The following ZNF558 variants were observed in gnomAD, a reference collection of about 807,000 sequenced individuals.
The protein encoded by ZNF558 is zinc finger protein 558.
In ZNF558, 23 loss-of-function variants were observed where a neutral mutation model predicts 37.6. The observed-to-expected ratio is 0.61, with a 90% CI of 0.44 to 0.87. The LOEUF is 0.87. Ranked by LOEUF, ZNF558 falls within the 40% of genes least tolerant of loss-of-function variation. ZNF558 has a pLI of 0.00. For synonymous variants in ZNF558, 189 were observed against 174.4 expected, an observed-to-expected ratio of 1.08 and a Z score of -0.66; for missense variants, 429 against 483.7, an observed-to-expected ratio of 0.89 and a Z score of 1.06.
At chr19:8,834,135 C>G (rs944970035), upstream of ZNF558, among the ~76,000 whole-genome samples, 2 of 152,090 alleles carry the variant, frequency 1.3e-5, no homozygotes, top group Admixed American at 1.3e-4. Context: ...TTTCATGCAC[C>G]CGTCCTTTCA....
At chr19:8,836,576 C>T (rs1363368674), upstream of ZNF558, among the ~76,000 whole-genome samples, 1 of 152,024 alleles carries the variant, frequency 6.6e-6, no homozygotes, top group South Asian at 2.1e-4. Context: ...ATTGCAGCCT[C>T]GACCTCCTGG....
rs2043703829 is a variant in ZNF558, at chr19:8,806,355, TTCAG to T, written c.*4922_*4925del. 2.0e-5 allele frequency: 3 copies of T among 152,272 alleles called. No individual in the cohort carries two copies. The highest frequency in any genetic ancestry group is 3.9e-4 in the East Asian group (2 of 5,188). The allele number at this position is 152,272 out of a possible 1,614,324, so 9.4% of individuals were successfully genotyped here. On this transcript the variant is annotated 3_prime_UTR_variant, in exon 10 of 10. Coordinates refer to ENST00000601372, the MANE Select transcript of ZNF558 (RefSeq NM_144693.3). ...TTTTCCTGAAGCCTGAAGAAATCTC[TTCAG>T]TGTTTCTGAAAATACGGTTATGCTG...
In ZNF558 at chr19:8,809,565, C is replaced by T. The variant is rs968452628; in HGVS notation, c.*1716G>A. The T allele has an allele frequency of 2.0e-5, 3 of 152,060 alleles. No individual in the cohort carries two copies. The highest frequency in any genetic ancestry group is 2.9e-5 in the Non-Finnish European group (2 of 68,020). 9.4% of individuals were successfully genotyped at this position (152,060 alleles called of 1,614,324 possible). ...ATGTACTCTGCCAAAAATACCACTA[C>T]ATTAGAAAAATGTGTTTATAAATAC... On this transcript the variant is annotated 3_prime_UTR_variant, in exon 10 of 10. Coordinates refer to ENST00000601372, the MANE Select transcript of ZNF558 (RefSeq NM_144693.3).
At chr19:8,815,450 G>A (rs975276770) in intron 7 of ZNF558, among the ~76,000 whole-genome samples, 5 of 152,112 alleles carry the variant, frequency 3.3e-5, no homozygotes, top group Non-Finnish European at 7.4e-5. Context: ...TGGTGACCAT[G>A]AAGATAGGAC....
intron 7 of ZNF558, among the ~76,000 whole-genome samples, chr19:8,817,988 C>A (rs2043982727): frequency 6.6e-6 from 1 of 152,086 alleles, no homozygotes; most frequent in Admixed American, 6.6e-5. Context: ...CTAGACCTAA[C>A]AAATATATAA....
chr19:8,821,847 A>G (rs898253701), intron 6 of ZNF558, 156 bp downstream of exon 6: 10 of 1,482,518 alleles, frequency 6.7e-6, no homozygotes, highest in African/African-American at 5.6e-5. Context: ...ACACACTGAC[A>G]TTTTCTGGGC....
At chr19:8,834,713 C>CA (rs2044436194), upstream of ZNF558, among the ~76,000 whole-genome samples, 1 of 148,250 alleles carries the variant, frequency 6.7e-6, no homozygotes, top group Admixed American at 6.7e-5. Flanking sequence ...ACACCATGTA[C>CA]AAAAGTGAGC....
Position 8,821,279 on chromosome 19 carries a change from C to T in ZNF558, c.148G>A (p.Val50Met), listed in dbSNP as rs767474130. Residue 50 changes from valine to methionine, a missense_variant, in exon 7 of 10, where the codon GTG (valine) becomes ATG (methionine). By Grantham distance (21) the Val-to-Met change is conservative. Transcript: ENST00000601372. ...GCCCACTCCTCCTGGGTGAACTCCACGGCCACATCCTCGAAGGTTACCAAG... is the reference window on the plus strand; with the variant it reads ...GCCCACTCCTCCTGGGTGAACTCCATGGCCACATCCTCGAAGGTTACCAAG... ...RGLVTFEDVA[V>M]EFTQEEWALL... The T allele has an allele frequency of 5.0e-6, 8 of 1,614,212 alleles. No homozygotes were observed. Among genetic ancestry groups the T allele is most frequent in the African/African-American group, 1.3e-5 (1 of 75,038 alleles).
rs1050134660 is a variant in ZNF558, at chr19:8,822,981, G to A, written c.-65-257C>T. ...GAACCTCGGCTTCACGCAGTCTCAC[G>A]GCATGTTCTTCCCATCCAAGCGCAC... On this transcript the variant is annotated intron_variant, in intron 4 of 9. Transcript: ENST00000601372. The surrounding 1 kb of genome is among the most constrained non-coding windows in gnomAD (Gnocchi z 4.4). 2.4e-5 allele frequency: 9 copies of A among 380,484 alleles called. No homozygotes were observed. The highest frequency in any genetic ancestry group is 4.1e-5 in the African/African-American group (2 of 49,234). 23.6% of individuals were successfully genotyped at this position (380,484 alleles called of 1,614,324 possible).
intron 7 of ZNF558, among the ~76,000 whole-genome samples, chr19:8,820,643 C>T (rs1365533341): frequency 6.6e-6 from 1 of 151,960 alleles, no homozygotes; most frequent in Non-Finnish European, 1.5e-5. Flanking sequence ...CCACGTCCGG[C>T]TAATTTGTAT....
chr19:8,834,481 G>A (rs1310830154), upstream of ZNF558, among the ~76,000 whole-genome samples: 4 of 151,730 alleles, frequency 2.6e-5, no homozygotes, highest in East Asian at 1.9e-4. Flanking sequence ...GGTGGCGGGC[G>A]CCTATAGTCC....
At chr19:8,824,936 A>ATC (rs1273274861) in intron 3 of ZNF558, 66 bp downstream of exon 3, 1 of 152,212 alleles carries the variant, frequency 6.6e-6, no homozygotes, top group Non-Finnish European at 1.5e-5. Context: ...ACACGGTGCA[A>ATC]TCTGGCTTCC....
At chr19:8,813,762 C>A (rs1042556802) in intron 7 of ZNF558, among the ~76,000 whole-genome samples, 1 of 152,190 alleles carries the variant, frequency 6.6e-6, no homozygotes, top group Non-Finnish European at 1.5e-5. Flanking sequence ...GCATAAACAG[C>A]CCCAGAAGGC....
intron 7 of ZNF558, 89 bp downstream of exon 7, chr19:8,821,091 G>T: frequency 6.6e-7 from 1 of 1,525,076 alleles, no homozygotes. Flanking sequence ...TATGTTGTAT[G>T]GATTTTACCA....
intron 2 of ZNF558, among the ~76,000 whole-genome samples, chr19:8,828,443 C>A (rs1215072364): frequency 6.6e-6 from 1 of 152,182 alleles, no homozygotes; most frequent in African/African-American, 2.4e-5. Flanking sequence ...GAGAAAGTCA[C>A]TTCTCCCAGC....
chr19:8,825,517 GA>G (rs1304956039), intron 2 of ZNF558, among the ~76,000 whole-genome samples: 3 of 150,836 alleles, frequency 2.0e-5, no homozygotes, highest in South Asian at 2.1e-4. Context: ...AAATTTAAGT[GA>G]AAAAAAAATC....
At chr19:8,834,325 T>C (rs1353923784), upstream of ZNF558, among the ~76,000 whole-genome samples, 1 of 151,768 alleles carries the variant, frequency 6.6e-6, no homozygotes, top group East Asian at 1.9e-4. Flanking sequence ...AAGAATGAAA[T>C]TGGGCTGGGC....
rs782652152 is a variant in ZNF558, at chr19:8,811,424, C to A, written c.1066G>T (p.Ala356Ser). ...TTCACAGCTGAGAGATTATTAAAGG[C>A]TTTTCCACAGTCACTGCACTCGTAG... ...KPYECSDCGK[A>S]FNNLSAVKKH... Residue 356 changes from alanine (A) to serine (S), a missense_variant, in exon 10 of 10, where the codon GCC (alanine) becomes TCC (serine). Physicochemically the swap from Ala to Ser is moderately conservative, Grantham distance 99. Coordinates refer to ENST00000601372, the MANE Select transcript of ZNF558 (RefSeq NM_144693.3). 2 of 1,614,016 alleles carry A rather than the reference C, an allele frequency of 1.2e-6. No individual in the cohort carries two copies. Among genetic ancestry groups the A allele is most frequent in the Non-Finnish European group, 1.7e-6 (2 of 1,179,980 alleles).
rs1225240688 is a variant in ZNF558, at chr19:8,822,146, C to T, written c.32-55G>A. The T allele has an allele frequency of 4.4e-6, 7 of 1,608,156 alleles. No individual in the cohort carries two copies. The Admixed American group carries it at 1.2e-4, about 27-fold the overall frequency. On this transcript the variant is annotated intron_variant, in intron 5 of 9. Transcript: ENST00000601372. This position sits in a 1 kb window ranked among gnomAD's most constrained non-coding sequence, Gnocchi z 4.4. ...TCAGGCTTGTCTGACACCCACAGAT[C>T]TGCCCCTGATTGACCACACCCACCT... is the stretch of plus-strand genomic sequence containing the variant.
Sources: gnomAD v4.1 joint callset for allele counts (sites outside exome capture counted in the v4.1 genomes callset) on GRCh38, gnomAD v4.1.1 for gene constraint, Gnocchi (gnomAD v3.1) non-coding constraint, MANE v1.5 for transcripts, NCBI Gene and HGNC (gene_info 2026-07-23, HGNC 2026-07-21) for gene names.